Variants in P2RY2 observed in about 807,000 individuals in gnomAD.
The protein encoded by P2RY2 is purinergic receptor P2Y2, also known as P2Y purinoceptor 2.
For missense variants in P2RY2, 567 were observed against 515.7 expected (o/e 1.10, Z -0.96); for synonymous variants, 241 against 231.9 (o/e 1.04, Z -0.35).
intron 1 of P2RY2, among the ~76,000 whole-genome samples, chr11:73,221,743 G>A (rs1393717729): frequency 6.6e-6 from 1 of 152,166 alleles, no homozygotes; most frequent in Non-Finnish European, 1.5e-5. Flanking sequence ...GCCCTGATAG[G>A]AGGAGGCTGG....
rs1293456727 is a variant in P2RY2 at position 73,236,964 on chromosome 11, C to T, written c.*1671C>T. 8 of 985,208 alleles carry T rather than the reference C, an allele frequency of 8.1e-6. No homozygotes were observed. Among genetic ancestry groups the T allele is most frequent in the Non-Finnish European group, 9.6e-6 (8 of 829,884 alleles). 61.0% of individuals were successfully genotyped at this position (985,208 alleles called of 1,614,324 possible). A position where few individuals can be genotyped will look rare whatever the true frequency, so the allele number is the denominator to read the frequency against. Reference sequence around the variant, plus strand: ...ATCTCAAGGACAGGGACTCCCTCCTCTCCCTCTGGGAGAGCCCTCGCCCTG... The same window carrying T: ...ATCTCAAGGACAGGGACTCCCTCCTTTCCCTCTGGGAGAGCCCTCGCCCTG... On this transcript the variant is annotated 3_prime_UTR_variant, in exon 3 of 3. Coordinates refer to ENST00000393597, the MANE Select transcript of P2RY2 (RefSeq NM_002564.4).
rs1397867187 is a variant in P2RY2, at chr11:73,237,327, ACT to A, written c.*2039_*2040del. On this transcript the variant is annotated 3_prime_UTR_variant, in exon 3 of 3. Transcript: ENST00000393597. ...AGTGCTGCGGTCTTGGCTCACTGCA[ACT>A]CTCTGCCTCCCGGGTTCAAGCAATT... is the stretch of plus-strand genomic sequence containing the variant. Among the ~76,000 whole-genome samples the A allele has an allele frequency of 1.3e-5, 2 of 151,258 alleles. No homozygotes were observed. The highest frequency in any genetic ancestry group is 2.1e-4 in the South Asian group (1 of 4,760).
chr11:73,221,876 A>C (rs1426323997), intron 1 of P2RY2, among the ~76,000 whole-genome samples: 1 of 152,124 alleles, frequency 6.6e-6, no homozygotes, highest in African/African-American at 2.4e-5. Flanking sequence ...AGCAGCTGCC[A>C]GTGGGTCTTT....
chr11:73,229,868 G>T (rs998191195), intron 2 of P2RY2, among the ~76,000 whole-genome samples: 1 of 152,096 alleles, frequency 6.6e-6, no homozygotes, highest in Admixed American at 6.5e-5. Context: ...CTGGGTGTGT[G>T]TGTCTGCATC....
Position 73,238,424 on chromosome 11 carries a change from A to G in P2RY2, c.*3131A>G, listed in dbSNP as rs1447433674. Among the ~76,000 whole-genome samples the G allele has an allele frequency of 2.0e-5, 3 of 152,172 alleles. No individual in the cohort carries two copies. The highest frequency in any genetic ancestry group is 7.2e-5 in the African/African-American group (3 of 41,430). On this transcript the variant is annotated 3_prime_UTR_variant, in exon 3 of 3. Transcript: ENST00000393597. ...GAGGGATGGAGGAACCCCAGGGTAC[A>G]TTCCCACTTTCACCCCCTGAGGTTA...
chr11:73,231,534 G>A (rs1862458867), intron 2 of P2RY2, among the ~76,000 whole-genome samples: 1 of 151,510 alleles, frequency 6.6e-6, no homozygotes, highest in South Asian at 2.1e-4. Context: ...TCCAGTCTGG[G>A]TGATGGAGTG....
chr11:73,237,140 TTACTC>T lies in P2RY2; in HGVS notation c.*1849_*1853del, dbSNP rs1269344807. On this transcript the variant is annotated 3_prime_UTR_variant, in exon 3 of 3. Coordinates refer to ENST00000393597, the MANE Select transcript of P2RY2 (RefSeq NM_002564.4). ...CCATCACAGACCATGACCCAAATGA[TTACTC>T]TGTACTGTGCCAGGTGGGTGACCTG... The T allele has an allele frequency of 3.6e-5, 35 of 985,044 alleles. No individual in the cohort carries two copies. Among genetic ancestry groups the T allele is most frequent in the Non-Finnish European group, 3.7e-5 (31 of 829,590 alleles). 61.0% of individuals were successfully genotyped at this position (985,044 alleles called of 1,614,324 possible).
chr11:73,231,543 T>G (rs1862459103), intron 2 of P2RY2, among the ~76,000 whole-genome samples: 1 of 143,420 alleles, frequency 7.0e-6, no homozygotes. Context: ...GGTGATGGAG[T>G]GAGAATCTGT....
At chr11:73,233,958 C>G in intron 2 of P2RY2, 198 bp from the exon 3 acceptor site, 2 of 640,198 alleles carry the variant, frequency 3.1e-6, no homozygotes, top group Non-Finnish European at 5.3e-6. Flanking sequence ...TTGTCTACCC[C>G]TGTTCTCAAG....
chr11:73,222,457 T>A (rs1862147792), intron 1 of P2RY2, among the ~76,000 whole-genome samples: 1 of 152,144 alleles, frequency 6.6e-6, no homozygotes, highest in Non-Finnish European at 1.5e-5. Context: ...ACTCTGACCA[T>A]GTCCTTCCCC....
chr11:73,221,683 T>A (rs1267862363), intron 1 of P2RY2, among the ~76,000 whole-genome samples: 3 of 152,120 alleles, frequency 2.0e-5, no homozygotes, highest in Non-Finnish European at 4.4e-5. Flanking sequence ...GGGCCACACC[T>A]CCTCTTGGTT....
At chr11:73,233,502 C>G (rs1862519629) in intron 2 of P2RY2, among the ~76,000 whole-genome samples, 1 of 152,184 alleles carries the variant, frequency 6.6e-6, no homozygotes, top group African/African-American at 2.4e-5. Context: ...CTCAAAGGCC[C>G]CTTCCCATGA....
At chr11:73,218,694 G>A (rs2135625134) in intron 1 of P2RY2, 1 of 152,556 alleles carries the variant, frequency 6.6e-6, no homozygotes, top group East Asian at 1.9e-4. Flanking sequence ...GAGGCTGTGC[G>A]CGTCAGCGTA....
chr11:73,220,291 T>C (rs540835770), intron 1 of P2RY2, among the ~76,000 whole-genome samples: 17 of 152,270 alleles, frequency 1.1e-4, no homozygotes, highest in African/African-American at 2.6e-4. Flanking sequence ...CTGAAGGCAA[T>C]AGGGAGCCAT....
chr11:73,223,026 A>G (rs1862165202), intron 1 of P2RY2, among the ~76,000 whole-genome samples: 1 of 152,198 alleles, frequency 6.6e-6, no homozygotes, highest in African/African-American at 2.4e-5. Context: ...TTAAGATTTC[A>G]TTACTCTGAA....
intron 2 of P2RY2, among the ~76,000 whole-genome samples, chr11:73,232,705 G>A (rs1213493340): frequency 3.9e-5 from 6 of 152,126 alleles, no homozygotes; most frequent in African/African-American, 1.2e-4. Flanking sequence ...CACCGCGCCC[G>A]GCCTAAGTGA....
chr11:73,234,985 C>G lies in P2RY2; in HGVS notation c.826C>G (p.Leu276Val), dbSNP rs1478671071. 6.2e-7 allele frequency: 1 copy of G among 1,609,690 alleles called. No individual in the cohort carries two copies. Among genetic ancestry groups the G allele is most frequent in the Non-Finnish European group, 8.5e-7 (1 of 1,180,000 alleles). ...CTACTACTCCTTCCGCTCGCTGGAC[C>G]TCAGCTGCCACACCCTCAACGCCAT... is the stretch of plus-strand genomic sequence containing the variant. ...TLYYSFRSLDLSCHTLNAINM... is the reference protein window; with the variant it reads ...TLYYSFRSLDVSCHTLNAINM... The change falls in exon 3 of 3, where the codon CTC (leucine) becomes GTC (valine). Residue 276 changes from leucine (L) to valine (V), a missense_variant. Coordinates refer to ENST00000393597, the MANE Select transcript of P2RY2 (RefSeq NM_002564.4).
At chr11:73,222,599 G>A (rs1390468139) in intron 1 of P2RY2, among the ~76,000 whole-genome samples, 3 of 152,066 alleles carry the variant, frequency 2.0e-5, no homozygotes, top group Admixed American at 1.3e-4. Flanking sequence ...CACAGTAGCC[G>A]TATAAGACCT....
At chr11:73,221,372 G>C (rs1268086809) in intron 1 of P2RY2, among the ~76,000 whole-genome samples, 2 of 152,150 alleles carry the variant, frequency 1.3e-5, no homozygotes, top group Non-Finnish European at 2.9e-5. Context: ...TGAAACCTGG[G>C]GCTCCAGTCC....
Sources: gnomAD v4.1 joint callset for allele counts (sites outside exome capture counted in the v4.1 genomes callset) on GRCh38, gnomAD v4.1.1 for gene constraint, MANE v1.5 for transcripts, NCBI Gene and HGNC (gene_info 2026-07-23, HGNC 2026-07-21) for gene names.